Variants in WDR41 observed in about 807,000 individuals in gnomAD.
The protein encoded by WDR41 is WD repeat domain 41.
In WDR41, 63 loss-of-function variants were observed where a neutral mutation model predicts 69.3. The observed-to-expected ratio is 0.91, with a 90% CI of 0.74 to 1.12. The LOEUF (loss-of-function observed/expected upper bound fraction) is 1.12, where lower values mean the gene tolerates loss of function less well. Ranked by LOEUF, WDR41 falls within the 50% of genes most tolerant of loss-of-function variation. The pLI, the probability that WDR41 is intolerant of heterozygous loss-of-function variation, is 0.00. For synonymous variants in WDR41, 185 were observed against 192.1 expected (o/e 0.96, Z 0.31); for missense variants, 543 against 534.5 (o/e 1.02, Z -0.16).
At chr5:77,441,997 T>C (rs922493126) in intron 8 of WDR41, among the ~76,000 whole-genome samples, 4 of 152,226 alleles carry the variant, frequency 2.6e-5, no homozygotes, top group Non-Finnish European at 5.9e-5. Context: ...ATACCATTTA[T>C]TGACTTGTGA....
At chr5:77,474,954 T>C (rs1255133838) in intron 2 of WDR41, among the ~76,000 whole-genome samples, 1 of 152,106 alleles carries the variant, frequency 6.6e-6, no homozygotes, top group Non-Finnish European at 1.5e-5. Context: ...GGTCAGTGGG[T>C]GCGTGCACCG....
Position 77,431,829 on chromosome 5 carries a change from C to T in WDR41, c.*1306G>A, listed in dbSNP as rs1448891033. 1 of 152,152 alleles carries T rather than the reference C, an allele frequency of 6.6e-6. No individual in the cohort carries two copies. The highest frequency in any genetic ancestry group is 2.4e-5 in the African/African-American group (1 of 41,440). 9.4% of individuals were successfully genotyped at this position (152,152 alleles called of 1,614,324 possible). Reference sequence around the variant, plus strand: ...GGTAGCTTAAGTTTTAATATTTCTCCATAGAACTTTTCATGACTCAATGTT... The same window carrying T: ...GGTAGCTTAAGTTTTAATATTTCTCTATAGAACTTTTCATGACTCAATGTT... On this transcript the variant is annotated 3_prime_UTR_variant, in exon 13 of 13. Coordinates refer to ENST00000296679, the MANE Select transcript of WDR41 (RefSeq NM_018268.4).
At chr5:77,614,123 A>G (rs1395984572) in intron 1 of WDR41, among the ~76,000 whole-genome samples, 2 of 151,614 alleles carry the variant, frequency 1.3e-5, no homozygotes, top group Admixed American at 6.6e-5. Flanking sequence ...TTAGAATGGC[A>G]ATCATTAAAA....
Position 77,463,209 on chromosome 5 carries a change from TAA to T in WDR41, c.232_233del (p.Leu78ArgfsTer22). ...TCTTTTGAGTGTGTCCATTCAGTTC[TAA>T]AAGTTTTTCCCCTGTCTGAAATACC... is the stretch of plus-strand genomic sequence containing the variant. ...VWNAQTGEKL[L>X]ELNGHTQKIT... On this transcript the variant is annotated frameshift_variant, in exon 4 of 13. Transcript: ENST00000296679. LOFTEE classifies it high-confidence loss of function. 1 of 1,608,240 alleles carries T rather than the reference TAA, an allele frequency of 6.2e-7. No individual in the cohort carries two copies. The highest frequency in any genetic ancestry group is 8.5e-7 in the Non-Finnish European group (1 of 1,177,968).
chr5:77,578,538 A>G (rs1321807020), intron 1 of WDR41, among the ~76,000 whole-genome samples: 4 of 152,178 alleles, frequency 2.6e-5, no homozygotes, highest in Non-Finnish European at 5.9e-5. Flanking sequence ...TTTAATGGAA[A>G]AGACTTCAAA....
rs547353608 is a variant in WDR41 at position 77,522,044 on chromosome 5, C to T, written c.43-32472G>A. On this transcript the variant is annotated intron_variant, in intron 1 of 5. Transcript: ENST00000509971. ...TCTGAAACAATTGCAGGAGTTTTTC[C>T]TAGAAGAATCAATGGAACTTCATGA... is the stretch of plus-strand genomic sequence containing the variant. 2.0e-5 allele frequency among the ~76,000 whole-genome samples: 3 copies of T among 152,240 alleles called. No individual in the cohort carries two copies. The East Asian group carries it at 5.8e-4, about 29-fold the overall frequency.
chr5:77,612,596 C>T (rs924125524), intron 1 of WDR41, among the ~76,000 whole-genome samples: 19 of 152,306 alleles, frequency 1.2e-4, no homozygotes, highest in Admixed American at 3.3e-4. Flanking sequence ...TTCAACAACC[C>T]TTCATACTAA....
Position 77,449,807 on chromosome 5 carries a change from C to T in WDR41, c.650G>A (p.Arg217His), listed in dbSNP as rs778375538. ...SLEWDILEVK[R>H]LLDHQDNILS... ...AATATTATCCTGGTGATCAAGGAGG[C>T]GCTTAACTTCAAGAATATCCCATTC... The change falls in exon 8 of 13, where the codon CGC becomes CAC. Residue 217 changes from arginine (R) to histidine (H), a missense_variant. By Grantham distance (29) the Arg-to-His change is conservative. Coordinates refer to ENST00000296679, the MANE Select transcript of WDR41 (RefSeq NM_018268.4). 47 of 1,613,528 alleles carry T rather than the reference C, an allele frequency of 2.9e-5. No homozygotes were observed. Among genetic ancestry groups the T allele is most frequent in the Admixed American group, 5.0e-5 (3 of 59,984 alleles).
intron 1 of WDR41, among the ~76,000 whole-genome samples, chr5:77,518,538 C>G (rs1802326632): frequency 2.0e-5 from 3 of 152,016 alleles, no homozygotes; most frequent in South Asian, 2.1e-4. Context: ...GGCATTATAG[C>G]CTTGTTTTCC....
intron 1 of WDR41, among the ~76,000 whole-genome samples, chr5:77,506,605 C>G (rs1398338377): frequency 6.6e-6 from 1 of 152,108 alleles, no homozygotes; most frequent in African/African-American, 2.4e-5. Context: ...TATTGCAGTA[C>G]TATTCACAAT....
chr5:77,619,588 G>C (rs1258254972), intron 1 of WDR41, among the ~76,000 whole-genome samples: 1 of 152,114 alleles, frequency 6.6e-6, no homozygotes, highest in African/African-American at 2.4e-5. Context: ...AGTGGAGATT[G>C]GGGGCCAGGA....
intron 1 of WDR41, among the ~76,000 whole-genome samples, chr5:77,587,615 T>C (rs1374715056): frequency 6.6e-6 from 1 of 152,222 alleles, no homozygotes; most frequent in Non-Finnish European, 1.5e-5. Flanking sequence ...TTGAGCACTG[T>C]TATGGACTGA....
In WDR41 at chr5:77,459,087, A is replaced by G; in HGVS notation, c.386T>C (p.Ile129Thr). The change falls in exon 5 of 13, where the codon ATA (isoleucine) becomes ACA (threonine). Residue 129 changes from isoleucine to threonine, a missense_variant. Physicochemically the swap from Ile to Thr is moderately conservative, Grantham distance 89. Coordinates refer to ENST00000296679, the MANE Select transcript of WDR41 (RefSeq NM_018268.4). Reference protein sequence around the residue: ...DGDTTRQVQRISCFQSTVKCL... With the variant: ...DGDTTRQVQRTSCFQSTVKCL... ...CTTTACAGTAGACTGGAAGCATGAT[A>G]TTCTCTGAACTTGTCTGGTAGTATC... 6.2e-7 allele frequency: 1 copy of G among 1,602,478 alleles called. No homozygotes were observed. The highest frequency in any genetic ancestry group is 8.5e-7 in the Non-Finnish European group (1 of 1,172,492).
intron 1 of WDR41, among the ~76,000 whole-genome samples, chr5:77,567,383 A>G (rs935721807): frequency 6.6e-6 from 1 of 152,076 alleles, no homozygotes; most frequent in Non-Finnish European, 1.5e-5. Flanking sequence ...CACCAGAGAA[A>G]AAGATTTGCA....
chr5:77,497,036 A>T (rs1038049807), upstream of WDR41, among the ~76,000 whole-genome samples: 1 of 152,196 alleles, frequency 6.6e-6, no homozygotes, highest in Non-Finnish European at 1.5e-5. Context: ...GGAAAACTGG[A>T]TCTCTACACA....
intron 5 of WDR41, among the ~76,000 whole-genome samples, chr5:77,454,285 T>C (rs769846834): frequency 2.4e-4 from 37 of 152,322 alleles, no homozygotes; most frequent in Admixed American, 6.5e-5. Flanking sequence ...GCCAAGCACG[T>C]AGGTGAGCCT....
intron 1 of WDR41, among the ~76,000 whole-genome samples, chr5:77,501,561 C>G (rs1802018593): frequency 6.6e-6 from 1 of 152,234 alleles, no homozygotes; most frequent in African/African-American, 2.4e-5. Flanking sequence ...TGAGAACAGA[C>G]AGACTGTCTC....
chr5:77,546,006 C>T, intron 1 of WDR41: 1 of 493,884 alleles, frequency 2.0e-6, no homozygotes. Flanking sequence ...ATCATCTCGG[C>T]CCCTGTGCCC....
intron 1 of WDR41, among the ~76,000 whole-genome samples, chr5:77,524,376 C>A (rs774917708): frequency 6.6e-6 from 1 of 152,074 alleles, no homozygotes; most frequent in Non-Finnish European, 1.5e-5. Context: ...TAGCTTGAGG[C>A]CAGGAGTTCA....
Sources: gnomAD v4.1 joint callset for allele counts (sites outside exome capture counted in the v4.1 genomes callset) on GRCh38, gnomAD v4.1.1 for gene constraint, MANE v1.5 for transcripts, NCBI Gene and HGNC (gene_info 2026-07-23, HGNC 2026-07-21) for gene names.